Variants in ZFP91 observed in about 807,000 individuals in gnomAD.
ZFP91 encodes the protein ZFP91 zinc finger protein, atypical E3 ubiquitin ligase.
Under a neutral mutation model 63.5 loss-of-function variants are expected in ZFP91, and 7 were observed. The ratio of observed to expected loss-of-function variants is 0.11; its 90% CI spans 0.06 to 0.21. The LOEUF (loss-of-function observed/expected upper bound fraction) is 0.21, where lower values mean the gene tolerates loss of function less well. Ranked by LOEUF, ZFP91 falls within the 10% of genes least tolerant of loss-of-function variation. The pLI, the probability that ZFP91 is intolerant of heterozygous loss-of-function variation, is 1.00. For synonymous variants in ZFP91, 330 were observed against 272.1 expected, an observed-to-expected ratio of 1.21 and a Z score of -2.10; for missense variants, 628 against 736.6, an observed-to-expected ratio of 0.85 and a Z score of 1.71.
chr11:58,602,567 T>G (rs1855508445), intron 2 of ZFP91, among the ~76,000 whole-genome samples: 1 of 152,182 alleles, frequency 6.6e-6, no homozygotes, highest in African/African-American at 2.4e-5. Flanking sequence ...TTTGTAACAG[T>G]TGTTGAAGTG....
rs1165200401 is a variant in ZFP91 at position 58,613,410 on chromosome 11, A to G, written c.987+570A>G. 2.0e-5 allele frequency among the ~76,000 whole-genome samples: 3 copies of G among 152,122 alleles called. No individual in the cohort carries two copies. In the East Asian group the frequency reaches 5.8e-4, roughly 29 times the overall value. ...CTCCCATTAGGTCCCGCCTTCCAAC[A>G]CTATCACATTGGGGATTAAGTTTCC... is the stretch of plus-strand genomic sequence containing the variant. On this transcript the variant is annotated intron_variant, in intron 8 of 10. Transcript: ENST00000316059.
intron 1 of ZFP91, among the ~76,000 whole-genome samples, chr11:58,583,507 T>A (rs955123951): frequency 6.6e-6 from 1 of 151,226 alleles, no homozygotes; most frequent in African/African-American, 2.5e-5. Flanking sequence ...ATATTCTGAA[T>A]TGAAAAAACT....
At chr11:58,616,324 A>G (rs1298661132) in intron 9 of ZFP91, among the ~76,000 whole-genome samples, 2 of 151,992 alleles carry the variant, frequency 1.3e-5, no homozygotes, top group African/African-American at 2.4e-5. Flanking sequence ...TTTCTGTGTA[A>G]TCATTCAGTT....
intron 1 of ZFP91, among the ~76,000 whole-genome samples, chr11:58,580,093 CTT>C (rs11416026): frequency 6.9e-5 from 10 of 144,396 alleles, no homozygotes; most frequent in African/African-American, 2.5e-4. Flanking sequence ...GTTTATGTAG[CTT>C]TTTTTTTTTT....
chr11:58,585,966 A>G (rs1380282880), intron 2 of ZFP91, among the ~76,000 whole-genome samples: 1 of 151,956 alleles, frequency 6.6e-6, no homozygotes, highest in Non-Finnish European at 1.5e-5. Context: ...TTCATAGTAT[A>G]GCAGGCAGAG....
At position 58,617,069 on chromosome 11, in the gene ZFP91, A is replaced by ATT; in HGVS notation, c.1203-126_1203-125dup. The ATT allele has an allele frequency of 4.1e-6, 3 of 737,148 alleles. No individual in the cohort carries two copies. The highest frequency in any genetic ancestry group is 6.0e-6 in the Non-Finnish European group (3 of 500,808). The allele number at this position is 737,148 out of a possible 1,614,324, so 45.7% of individuals were successfully genotyped here. Reference sequence around the variant, plus strand: ...CTTCAAAAGAAGTATGTTACTGATTATTGTGTGTGTGTGTGTGTGTGTGTG... The same window carrying ATT: ...CTTCAAAAGAAGTATGTTACTGATTATTTTGTGTGTGTGTGTGTGTGTGTGTG... On this transcript the variant is annotated intron_variant, in intron 10 of 10. Coordinates refer to ENST00000316059, the MANE Select transcript of ZFP91 (RefSeq NM_053023.5). The surrounding 1 kb of genome is among the most constrained non-coding windows in gnomAD (Gnocchi z 4.2).
intron 6 of ZFP91, 189 bp downstream of exon 6, chr11:58,611,927 T>G (rs766681812): frequency 1.1e-5 from 7 of 637,008 alleles, no homozygotes; most frequent in African/African-American, 1.9e-5. Context: ...AATGTTTAGG[T>G]TTTTCAGTTC....
rs1372657516 is a variant in ZFP91 at position 58,579,312 on chromosome 11, C to A, written c.31C>A (p.Pro11Thr). 2.0e-6 allele frequency: 3 copies of A among 1,491,612 alleles called. No homozygotes were observed. The highest frequency in any genetic ancestry group is 2.3e-5 in the Admixed American group (1 of 43,200). 92.4% of individuals were successfully genotyped at this position (1,491,612 alleles called of 1,614,324 possible). Residue 11 changes from proline to threonine, a missense_variant, in exon 1 of 11, where the codon CCG becomes ACG. Transcript: ENST00000316059. The stretch of plus-strand genomic sequence containing the variant: ...GGGGGAGACGGAAGAGCCGAGACCC[C>A]CGGAGCAGCAGGACCAGGAAGGGGG... MPGETEEPRP[P>T]EQQDQEGGEA...
Position 58,617,664 on chromosome 11 carries a change from C to T in ZFP91, c.1671C>T (p.Thr557=). The T allele has an allele frequency of 6.5e-7, 1 of 1,531,050 alleles. No homozygotes were observed. Among genetic ancestry groups the T allele is most frequent in the South Asian group, 1.3e-5 (1 of 76,550 alleles). The allele number at this position is 1,531,050 out of a possible 1,614,324, so 94.8% of individuals were successfully genotyped here. ...TGAACTCAGATATACTCGGTGCTAC[C>T]ACAGAGGTTCTGATTGAAGATTCAG... The part of the protein sequence containing the change: ...LVMNSDILGA[T]TEVLIEDSDS... The change falls in exon 11 of 11, where the codon ACC becomes ACT. Residue 557 remains threonine (T), a synonymous_variant. Coordinates refer to ENST00000316059, the MANE Select transcript of ZFP91 (RefSeq NM_053023.5). The surrounding 1 kb of genome is among the most constrained non-coding windows in gnomAD (Gnocchi z 4.2).
rs779167680 is a variant in ZFP91, at chr11:58,610,938, A to G, written c.618-12A>G. ...CAACCAGAATGTCTCATTTCTATTT[A>G]CTTATTTTTAGTAGTGAAGAGGAAG... On this transcript the variant is annotated splice_polypyrimidine_tract_variant and intron_variant, in intron 4 of 10. Coordinates refer to ENST00000316059, the MANE Select transcript of ZFP91 (RefSeq NM_053023.5). 1.2e-6 allele frequency: 2 copies of G among 1,606,744 alleles called. No homozygotes were observed. The highest frequency in any genetic ancestry group is 1.7e-6 in the Non-Finnish European group (2 of 1,176,448).
chr11:58,593,540 A>G (rs1855344760), intron 2 of ZFP91, among the ~76,000 whole-genome samples: 1 of 152,230 alleles, frequency 6.6e-6, no homozygotes, highest in African/African-American at 2.4e-5. Context: ...ATCAATGAAT[A>G]AGCCAGATGT....
chr11:58,616,299 TTGAA>T (rs1489845350), intron 9 of ZFP91, among the ~76,000 whole-genome samples: 1 of 152,164 alleles, frequency 6.6e-6, no homozygotes, highest in East Asian at 1.9e-4. Flanking sequence ...TTTGTTTTGT[TTGAA>T]TGCCAGATTC....
chr11:58,614,275 C>G lies in ZFP91; in HGVS notation c.1034C>G (p.Pro345Arg). ...QHLLKKKYVC[P>R]HPSCGRLFRL... ...TTGCTGAAGAAGAAATATGTATGTCCCCATCCCTCCTGTGGACGACTCTTC... is the reference window on the plus strand; with the variant it reads ...TTGCTGAAGAAGAAATATGTATGTCGCCATCCCTCCTGTGGACGACTCTTC... Residue 345 changes from proline (P) to arginine (R), a missense_variant, in exon 9 of 11, where the codon CCC becomes CGC. By Grantham distance (103) the Pro-to-Arg change is moderately radical. Transcript: ENST00000316059. 1 of 1,611,508 alleles carries G rather than the reference C, an allele frequency of 6.2e-7. No homozygotes were observed. The highest frequency in any genetic ancestry group is 8.5e-7 in the Non-Finnish European group (1 of 1,178,636).
rs1489734915 is a variant in ZFP91, at chr11:58,612,302, C to T, written c.882C>T (p.Asp294=). ...PRKRGRRRKD[D]KSPRLPKRRK... is the part of the protein sequence containing the mutation. Reference sequence around the variant, plus strand: ...GGAGAGGAAGAAGACGAAAAGATGACAAAAGTCCACGTTTACCCAAAAGGA... The same window carrying T: ...GGAGAGGAAGAAGACGAAAAGATGATAAAAGTCCACGTTTACCCAAAAGGA... The change falls in exon 7 of 11, where the codon GAC becomes GAT. Residue 294 remains aspartate (D), a synonymous_variant. Transcript: ENST00000316059. 1 of 1,613,656 alleles carries T rather than the reference C, an allele frequency of 6.2e-7. No individual in the cohort carries two copies. Among genetic ancestry groups the T allele is most frequent in the Non-Finnish European group, 8.5e-7 (1 of 1,179,718 alleles).
At chr11:58,596,996 G>C (rs1036959194) in intron 2 of ZFP91, among the ~76,000 whole-genome samples, 5 of 152,054 alleles carry the variant, frequency 3.3e-5, no homozygotes, top group Admixed American at 2.6e-4. Context: ...GTGTTTGGGG[G>C]GCAAGTAGAC....
chr11:58,605,905 G>C (rs1220900818), intron 2 of ZFP91, among the ~76,000 whole-genome samples: 1 of 151,646 alleles, frequency 6.6e-6, no homozygotes, highest in Non-Finnish European at 1.5e-5. Flanking sequence ...CGATCTCTTA[G>C]GCTTTATTTT....
At chr11:58,608,404 A>C (rs1276239928) in intron 2 of ZFP91, among the ~76,000 whole-genome samples, 1 of 151,958 alleles carries the variant, frequency 6.6e-6, no homozygotes, top group Non-Finnish European at 1.5e-5. Flanking sequence ...ATTTTGATGT[A>C]TATTGTCAAA....
intron 1 of ZFP91, among the ~76,000 whole-genome samples, chr11:58,580,529 A>T (rs760363310): frequency 6.6e-6 from 1 of 152,242 alleles, no homozygotes; most frequent in Non-Finnish European, 1.5e-5. Flanking sequence ...TTTGAGTGAA[A>T]ACAGATTAGT....
chr11:58,616,576 G>T, intron 9 of ZFP91, 140 bp from the exon 10 acceptor site: 3 of 448,074 alleles, frequency 6.7e-6, no homozygotes, highest in Non-Finnish European at 7.6e-6. Flanking sequence ...TTTAAATTTT[G>T]TTTACCCAAA....
Sources: gnomAD v4.1 joint callset for allele counts (sites outside exome capture counted in the v4.1 genomes callset) on GRCh38, gnomAD v4.1.1 for gene constraint, Gnocchi (gnomAD v3.1) non-coding constraint, MANE v1.5 for transcripts, NCBI Gene and HGNC (gene_info 2026-07-23, HGNC 2026-07-21) for gene names.